PDE11A: variants seen among roughly 807,000 people sequenced by gnomAD.
PDE11A encodes dual 3',5'-cyclic-AMP and -GMP phosphodiesterase 11A.
In PDE11A, 100 loss-of-function variants were observed where a neutral mutation model predicts 100.5. The ratio of observed to expected loss-of-function variants is 1.00; its 90% CI spans 0.85 to 1.18. The LOEUF (loss-of-function observed/expected upper bound fraction) is 1.18. Ranked by LOEUF, PDE11A falls within the 50% of genes most tolerant of loss-of-function variation. PDE11A has a pLI of 0.00. For synonymous variants in PDE11A, 381 were observed against 420.8 expected (o/e 0.91, Z 1.16); for missense variants, 1,141 against 1,152.6 (o/e 0.99, Z 0.15).
intron 2 of PDE11A, among the ~76,000 whole-genome samples, chr2:177,933,786 T>C (rs1027987436): frequency 2.6e-5 from 4 of 152,012 alleles, no homozygotes; most frequent in Non-Finnish European, 4.4e-5. Flanking sequence ...AACAGACACA[T>C]AGACCAATGG....
At chr2:177,859,847 C>A (rs1351891964) in intron 5 of PDE11A, among the ~76,000 whole-genome samples, 1 of 151,078 alleles carries the variant, frequency 6.6e-6, no homozygotes, top group African/African-American at 2.4e-5. Flanking sequence ...GTTAGTAAAA[C>A]AATACTTCTA....
chr2:177,834,238 G>C (rs1458673844), intron 6 of PDE11A, among the ~76,000 whole-genome samples: 1 of 152,112 alleles, frequency 6.6e-6, no homozygotes, highest in Non-Finnish European at 1.5e-5. Context: ...GCCTCTACGG[G>C]GACTTGTCAG....
chr2:178,029,389 CATCA>C (rs1208784778), intron 1 of PDE11A, among the ~76,000 whole-genome samples: 1 of 151,902 alleles, frequency 6.6e-6, no homozygotes, highest in Non-Finnish European at 1.5e-5. Context: ...CTGAATTACC[CATCA>C]ATCAAAAAAT....
intron 16 of PDE11A, among the ~76,000 whole-genome samples, chr2:177,679,465 A>G (rs2080828232): frequency 6.6e-6 from 1 of 152,222 alleles, no homozygotes; most frequent in Non-Finnish European, 1.5e-5. Context: ...TGGTCTGGAA[A>G]AACACAATAC....
At chr2:178,031,785 T>C (rs1296810836) in intron 1 of PDE11A, among the ~76,000 whole-genome samples, 1 of 152,106 alleles carries the variant, frequency 6.6e-6, no homozygotes, top group Non-Finnish European at 1.5e-5. Context: ...TATCAGAGTG[T>C]GCATGTGTGT....
chr2:177,797,422 T>G (rs1382283539), intron 9 of PDE11A, among the ~76,000 whole-genome samples: 1 of 152,170 alleles, frequency 6.6e-6, no homozygotes, highest in Non-Finnish European at 1.5e-5. Context: ...TACTGTGTAC[T>G]CCATGCTGTT....
At chr2:177,947,039 G>A (rs2085448326) in intron 2 of PDE11A, among the ~76,000 whole-genome samples, 1 of 115,136 alleles carries the variant, frequency 8.7e-6, no homozygotes, top group Non-Finnish European at 1.9e-5. Flanking sequence ...CGCCCGGCCA[G>A]CCGCCCCGTC....
At chr2:178,066,660 C>T (rs2087048816) in intron 1 of PDE11A, among the ~76,000 whole-genome samples, 1 of 152,136 alleles carries the variant, frequency 6.6e-6, no homozygotes, top group African/African-American at 2.4e-5. Flanking sequence ...TAGATGGGGT[C>T]TAGGGAGGGT....
intron 9 of PDE11A, among the ~76,000 whole-genome samples, chr2:177,794,514 ATT>A (rs1558942054): frequency 6.6e-6 from 1 of 152,104 alleles, no homozygotes; most frequent in African/African-American, 2.4e-5. Context: ...GGCTCATCGA[ATT>A]GGGCCCAGTA....
At chr2:177,754,339 C>CA (rs970968566) in intron 10 of PDE11A, among the ~76,000 whole-genome samples, 3 of 151,690 alleles carry the variant, frequency 2.0e-5, no homozygotes, top group Admixed American at 6.6e-5. Context: ...ATACTGCAGA[C>CA]AAAAAAAATG....
Position 177,858,856 on chromosome 2 carries a change from T to A in PDE11A, c.1367+17003A>T, listed in dbSNP as rs533778206. On this transcript the variant is annotated intron_variant, in intron 5 of 19. Transcript: ENST00000286063. ...GACTTGGAACCAACCCAAATGTCCA[T>A]CAATGATAGACTGGATTAAGAAAAT... Among the ~76,000 whole-genome samples the A allele has an allele frequency of 1.2e-3, 182 of 152,054 alleles. 3 individuals carry two copies. The South Asian group carries it at 0.035, about 29-fold the overall frequency.
chr2:178,084,126 C>T (rs1178470078), intron 2 of PDE11A, among the ~76,000 whole-genome samples: 1 of 152,192 alleles, frequency 6.6e-6, no homozygotes, highest in African/African-American at 2.4e-5. Flanking sequence ...TTATAGCTAT[C>T]CCTCCATGTG....
At chr2:177,779,242 G>A (rs1214939546) in intron 9 of PDE11A, among the ~76,000 whole-genome samples, 1 of 152,180 alleles carries the variant, frequency 6.6e-6, no homozygotes, top group African/African-American at 2.4e-5. Flanking sequence ...GATCATCTGA[G>A]CCTTCAGCAA....
Position 177,753,445 on chromosome 2 carries a change from T to TA in PDE11A, c.1788+15877dup, listed in dbSNP as rs1402530582. Among the ~76,000 whole-genome samples, 3 of 152,028 alleles carry TA rather than the reference T, an allele frequency of 2.0e-5. No individual in the cohort carries two copies. In the East Asian group the frequency reaches 5.8e-4, roughly 30 times the overall value. On this transcript the variant is annotated intron_variant, in intron 10 of 19. Coordinates refer to ENST00000286063, the MANE Select transcript of PDE11A (RefSeq NM_016953.4). ...GCCCAGGTCCACATGAAGGAGAAATTAGAGTAGACAGGTGGCACTGCAGCC... is the reference window on the plus strand; with the variant it reads ...GCCCAGGTCCACATGAAGGAGAAATTAAGAGTAGACAGGTGGCACTGCAGCC...
intron 13 of PDE11A, among the ~76,000 whole-genome samples, chr2:177,703,237 G>C (rs572715222): frequency 2.4e-4 from 37 of 152,188 alleles, no homozygotes; most frequent in African/African-American, 8.9e-4. Flanking sequence ...TATCTACCAT[G>C]CGGTAGTCTA....
At chr2:177,711,978 C>A in intron 12 of PDE11A, 100 bp from the exon 13 acceptor site, 1 of 682,932 alleles carries the variant, frequency 1.5e-6, no homozygotes, top group South Asian at 1.7e-5. Context: ...ATACCCACAT[C>A]ATTTAAGGAG....
chr2:178,105,744 C>T, intron 1 of PDE11A: 3 of 1,125,924 alleles, frequency 2.7e-6, no homozygotes, highest in Non-Finnish European at 3.5e-6. Flanking sequence ...CCAATATCAC[C>T]TCACAGCTCT....
At position 177,914,819 on chromosome 2, in the gene PDE11A, T is replaced by C. The variant is rs540353497; in HGVS notation, c.1072-9632A>G. Among the ~76,000 whole-genome samples the C allele has an allele frequency of 2.5e-4, 38 of 152,316 alleles. No homozygotes were observed. In the East Asian group the frequency reaches 2.7e-3, roughly 11 times the overall value. ...GAAATACATTCACATTATTTCCTCC[T>C]ATTAGTAGCAGAAGGCTTTTCTTCA... is the stretch of plus-strand genomic sequence containing the variant. On this transcript the variant is annotated intron_variant, in intron 2 of 19. Transcript: ENST00000286063.
At chr2:177,901,001 T>C (rs76218043) in intron 3 of PDE11A, among the ~76,000 whole-genome samples, 1 of 152,156 alleles carries the variant, frequency 6.6e-6, no homozygotes, top group Non-Finnish European at 1.5e-5. Context: ...CAGTTTATAG[T>C]TTATTGTTTA....
Sources: allele counts gnomAD v4.1 joint callset (sites outside exome capture counted in the v4.1 genomes callset), GRCh38; gene constraint gnomAD v4.1.1; transcripts MANE v1.5; gene names NCBI Gene and HGNC (gene_info 2026-07-23, HGNC 2026-07-21).